The following ZNF331 variants were observed in gnomAD, a reference collection of about 807,000 sequenced individuals.
ZNF331 encodes C2H2-like zinc finger protein rearranged in thyroid adenomas.
A neutral mutation model predicts 7.0 loss-of-function variants in ZNF331; 2 were observed. The observed-to-expected ratio is 0.29, with a 90% CI of 0.12 to 0.90. The LOEUF (loss-of-function observed/expected upper bound fraction) is 0.90. Ranked by LOEUF, ZNF331 falls within the 40% of genes least tolerant of loss-of-function variation. The pLI is 0.58. For synonymous variants in ZNF331, 196 were observed against 205.4 expected (o/e 0.95, Z 0.39); for missense variants, 432 against 587.7 (o/e 0.74, Z 2.74).
chr19:53,550,683 C>T (rs1276202704), intron 2 of ZNF331, among the ~76,000 whole-genome samples: 2 of 151,012 alleles, frequency 1.3e-5, no homozygotes, highest in South Asian at 2.1e-4. Flanking sequence ...ATTACAGGCT[C>T]CTGCCACCAC....
At chr19:53,547,576 G>A (rs145039213) in intron 2 of ZNF331, among the ~76,000 whole-genome samples, 2 of 152,262 alleles carry the variant, frequency 1.3e-5, no homozygotes, top group African/African-American at 4.8e-5. Context: ...TCATCTGATA[G>A]TTTTAGTTTT....
At chr19:53,506,284 G>A in the ZNF331 span, among the ~76,000 whole-genome samples, 9 of 108,154 alleles carry the variant, frequency 8.3e-5, no homozygotes, top group African/African-American at 3.1e-4. Flanking sequence ...GCAGTGAGCG[G>A]AGATCGCGCC....
In ZNF331 at chr19:53,577,789, C is replaced by G; in HGVS notation, c.1229C>G (p.Pro410Arg). Residue 410 changes from proline (P) to arginine (R), a missense_variant, in exon 6 of 6, where the codon CCC (proline) becomes CGC (arginine). By Grantham distance (103) the Pro-to-Arg change is moderately radical (BLOSUM62 -2). Transcript: ENST00000449416. ...KHERIHTGVK[P>R]YGCTECGKSF... The stretch of plus-strand genomic sequence containing the variant: ...GAGAGAATTCATACCGGGGTGAAAC[C>G]CTATGGGTGTACAGAATGTGGGAAG... 1.2e-6 allele frequency: 2 copies of G among 1,614,068 alleles called. No homozygotes were observed. Among genetic ancestry groups the G allele is most frequent in the Non-Finnish European group, 1.7e-6 (2 of 1,180,022 alleles).
intron 4 of ZNF331, among the ~76,000 whole-genome samples, chr19:53,570,863 CT>C (rs1013301254): frequency 7.0e-5 from 9 of 129,070 alleles, no homozygotes; most frequent in Admixed American, 1.6e-4. Context: ...CTTTTCTTTT[CT>C]TTTTTTTTTT....
chr19:53,559,492 A>G lies in ZNF331; in HGVS notation c.-74+3584A>G, dbSNP rs553582567. Among the ~76,000 whole-genome samples the G allele has an allele frequency of 8.2e-4, 124 of 151,068 alleles. 1 individual carries two copies. The Middle Eastern group carries it at 0.011, about 13-fold the overall frequency. On this transcript the variant is annotated intron_variant, in intron 3 of 5. Coordinates refer to ENST00000449416, the MANE Select transcript of ZNF331 (RefSeq NM_001079906.2). Reference sequence around the variant, plus strand: ...ATACACACATGCACACACCATATATATGCATATATACACACCTACATATAT... The same window carrying G: ...ATACACACATGCACACACCATATATGTGCATATATACACACCTACATATAT...
intron 3 of ZNF331, among the ~76,000 whole-genome samples, chr19:53,559,067 C>T (rs570274498): frequency 2.3e-4 from 35 of 150,380 alleles, no homozygotes; most frequent in Admixed American, 1.8e-3. Context: ...AAACACACCC[C>T]GTATACACAC....
At chr19:53,514,871 T>C (rs539733279), upstream of ZNF331, among the ~76,000 whole-genome samples, 12 of 152,148 alleles carry the variant, frequency 7.9e-5, no homozygotes, top group South Asian at 2.1e-4. Context: ...AGGATGGTCT[T>C]GATCTCCTGA....
chr19:53,574,285 G>C (rs1003147873), intron 5 of ZNF331, among the ~76,000 whole-genome samples: 1 of 151,718 alleles, frequency 6.6e-6, no homozygotes, highest in Non-Finnish European at 1.5e-5. Flanking sequence ...TGTGAGGGAA[G>C]AGACAAGACA....
intron 3 of ZNF331, among the ~76,000 whole-genome samples, chr19:53,557,139 A>G (rs529081021): frequency 3.3e-4 from 49 of 150,600 alleles, no homozygotes; most frequent in African/African-American, 1.2e-3. Context: ...TTAATATTTT[A>G]TAGAGACAGG....
intron 3 of ZNF331, among the ~76,000 whole-genome samples, chr19:53,556,493 ATT>A (rs376305079): frequency 3.5e-5 from 5 of 141,074 alleles, no homozygotes; most frequent in Non-Finnish European, 3.1e-5. Context: ...TTTTTTTTTA[ATT>A]TTTTTTTTTT....
chr19:53,531,312 G>C (rs2087530203), intron 2 of ZNF331, among the ~76,000 whole-genome samples: 1 of 152,156 alleles, frequency 6.6e-6, no homozygotes, highest in Non-Finnish European at 1.5e-5. Context: ...TTTCCAAAGA[G>C]GTGTTGGGGG....
At chr19:53,512,457 G>A in the ZNF331 span, 1 of 152,204 alleles carries the variant, frequency 6.6e-6, no homozygotes, top group African/African-American at 2.4e-5. Flanking sequence ...AGTGGTGGCA[G>A]GTGGTCTCCT....
At chr19:53,506,430 C>CTCTG in the ZNF331 span, among the ~76,000 whole-genome samples, 1 of 94,270 alleles carries the variant, frequency 1.1e-5, no homozygotes, top group African/African-American at 5.5e-5. Context: ...CTCTCTCTCT[C>CTCTG]TCTCTCTCTC....
upstream of ZNF331, among the ~76,000 whole-genome samples, chr19:53,518,062 G>T (rs1164068919): frequency 6.6e-6 from 1 of 152,218 alleles, no homozygotes; most frequent in Non-Finnish European, 1.5e-5. Flanking sequence ...TGATGTTTGA[G>T]TCAGTGGATG....
chr19:53,559,777 CAT>C (rs148716631), intron 3 of ZNF331, among the ~76,000 whole-genome samples: 113,432 of 150,452 alleles, frequency 0.75, 43,458 homozygotes, highest in African/African-American at 0.9. Context: ...CCCATATATA[CAT>C]ATATATATAC....
At chr19:53,559,602 TACAC>T (rs146617865) in intron 3 of ZNF331, among the ~76,000 whole-genome samples, 3,077 of 141,062 alleles carry the variant, frequency 0.022, 97 homozygotes, top group African/African-American at 0.073. Flanking sequence ...TACATGTACA[TACAC>T]ACCCCATATA....
At chr19:53,549,149 C>T (rs2088817985) in intron 2 of ZNF331, among the ~76,000 whole-genome samples, 1 of 152,180 alleles carries the variant, frequency 6.6e-6, no homozygotes, top group South Asian at 2.1e-4. Context: ...TTGCATTCTT[C>T]TGCATGCAAA....
upstream of ZNF331, chr19:53,538,069 T>C (rs73051520): frequency 0.073 from 11,057 of 152,486 alleles, 534 homozygotes; most frequent in Non-Finnish European, 0.11. Context: ...TCTGCTGCTG[T>C]CTGCGCGCTG....
At chr19:53,551,244 A>C (rs184428990) in intron 2 of ZNF331, among the ~76,000 whole-genome samples, 32 of 152,322 alleles carry the variant, frequency 2.1e-4, no homozygotes, top group Non-Finnish European at 4.3e-4. Flanking sequence ...AGAATCTCAA[A>C]ATTAATTACC....
Sources: allele counts gnomAD v4.1 joint callset (sites outside exome capture counted in the v4.1 genomes callset), GRCh38; gene constraint gnomAD v4.1.1; transcripts MANE v1.5; gene names NCBI Gene and HGNC (gene_info 2026-07-23, HGNC 2026-07-21).